L3MBTL4: variants seen among roughly 807,000 people sequenced by gnomAD.
The protein encoded by L3MBTL4 is lethal(3)malignant brain tumor-like protein 4.
Under a neutral mutation model 84.5 loss-of-function variants are expected in L3MBTL4, and 70 were observed. The ratio of observed to expected loss-of-function variants is 0.83; its 90% confidence interval spans 0.68 to 1.01. The LOEUF (loss-of-function observed/expected upper bound fraction) is 1.01, where lower values mean the gene tolerates loss of function less well. L3MBTL4 is among the 50% of genes least tolerant of loss of function. L3MBTL4 has a pLI of 0.00. For synonymous variants in L3MBTL4, 274 were observed against 259.8 expected, an observed-to-expected ratio of 1.05 and a Z score of -0.52; for missense variants, 715 against 754.8, an observed-to-expected ratio of 0.95 and a Z score of 0.62.
At chr18:6,093,610 C>G (rs2058532811) in intron 14 of L3MBTL4, 82 bp from the exon 15 acceptor site, 4 of 1,138,474 alleles carry the variant, frequency 3.5e-6, no homozygotes, top group Non-Finnish European at 4.8e-6. Context: ...CAGACTTACA[C>G]CTAATATTTA....
chr18:6,389,988 A>G (rs970891639), intron 1 of L3MBTL4, among the ~76,000 whole-genome samples: 2 of 152,162 alleles, frequency 1.3e-5, no homozygotes, highest in African/African-American at 4.8e-5. Flanking sequence ...CAAGAACTGC[A>G]GAATATATAT....
intron 12 of L3MBTL4, among the ~76,000 whole-genome samples, chr18:6,204,120 T>A (rs540724648): frequency 1.8e-5 from 2 of 111,744 alleles, no homozygotes; most frequent in African/African-American, 6.9e-5. Flanking sequence ...GAAACACCAC[T>A]CCATCCTCTG....
At chr18:6,032,178 T>A in intron 16 of L3MBTL4, 1 of 340,988 alleles carries the variant, frequency 2.9e-6, no homozygotes, top group Non-Finnish European at 4.4e-6. Flanking sequence ...GGGGTTTCAC[T>A]GCGTTGGCCA....
intron 1 of L3MBTL4, among the ~76,000 whole-genome samples, chr18:6,400,345 G>A (rs1293931791): frequency 6.6e-6 from 1 of 152,122 alleles, no homozygotes; most frequent in Non-Finnish European, 1.5e-5. Context: ...GAGTGAAATA[G>A]ACAAAAAAAG....
At chr18:6,387,966 C>G (rs1263116258) in intron 1 of L3MBTL4, among the ~76,000 whole-genome samples, 1 of 152,106 alleles carries the variant, frequency 6.6e-6, no homozygotes, top group Non-Finnish European at 1.5e-5. Context: ...GACACACTAT[C>G]TAGAGTGTGG....
intron 1 of L3MBTL4, among the ~76,000 whole-genome samples, chr18:6,411,978 A>G (rs1040980348): frequency 3.3e-5 from 5 of 152,210 alleles, no homozygotes; most frequent in African/African-American, 1.2e-4. Context: ...TAGTAGAGTA[A>G]TTTGATAAAT....
intron 10 of L3MBTL4, among the ~76,000 whole-genome samples, chr18:6,228,151 C>G (rs1459225594): frequency 6.6e-6 from 1 of 152,146 alleles, no homozygotes; most frequent in Non-Finnish European, 1.5e-5. Context: ...CATAAAGATG[C>G]CAAGGTAATT....
At chr18:6,219,818 C>T (rs528759026) in intron 10 of L3MBTL4, among the ~76,000 whole-genome samples, 1 of 152,122 alleles carries the variant, frequency 6.6e-6, no homozygotes, top group East Asian at 1.9e-4. Context: ...AGGAGAACTA[C>T]TTGGGATGTG....
intron 1 of L3MBTL4, among the ~76,000 whole-genome samples, chr18:6,346,764 A>T (rs1325771743): frequency 6.6e-6 from 1 of 152,110 alleles, no homozygotes; most frequent in South Asian, 2.1e-4. Flanking sequence ...GAAAAGCAGC[A>T]TGGCTACTCC....
chr18:6,345,337 C>T (rs1259085268), intron 1 of L3MBTL4, among the ~76,000 whole-genome samples: 4 of 151,474 alleles, frequency 2.6e-5, no homozygotes, highest in Non-Finnish European at 5.9e-5. Flanking sequence ...GCGGAGGTTG[C>T]AGTGAGCCGA....
chr18:6,185,283 C>G (rs1286985738), intron 12 of L3MBTL4, among the ~76,000 whole-genome samples: 1 of 152,204 alleles, frequency 6.6e-6, no homozygotes, highest in Admixed American at 6.5e-5. Flanking sequence ...AGTGAGGACT[C>G]AAGTGGGAAA....
chr18:6,006,728 G>A (rs541006141), intron 16 of L3MBTL4, among the ~76,000 whole-genome samples: 2 of 152,204 alleles, frequency 1.3e-5, no homozygotes, highest in African/African-American at 4.8e-5. Flanking sequence ...AACTTCAATA[G>A]TTAAATAATG....
chr18:6,283,256 G>A (rs2049404290), intron 4 of L3MBTL4, among the ~76,000 whole-genome samples: 1 of 151,956 alleles, frequency 6.6e-6, no homozygotes, highest in Non-Finnish European at 1.5e-5. Flanking sequence ...ACAAACTATT[G>A]GCAAAAATCT....
At chr18:6,156,935 C>T (rs1432619514) in intron 13 of L3MBTL4, among the ~76,000 whole-genome samples, 1 of 152,226 alleles carries the variant, frequency 6.6e-6, no homozygotes, top group Non-Finnish European at 1.5e-5. Flanking sequence ...AGCCACTAGG[C>T]ATCCAACAAC....
intron 15 of L3MBTL4, among the ~76,000 whole-genome samples, chr18:6,083,221 CAG>C (rs547057614): frequency 2.0e-5 from 3 of 152,196 alleles, no homozygotes; most frequent in African/African-American, 7.2e-5. Flanking sequence ...AAGTCACAGG[CAG>C]AGACTTGACT....
intron 12 of L3MBTL4, among the ~76,000 whole-genome samples, chr18:6,209,205 T>C (rs534095791): frequency 6.6e-6 from 1 of 152,162 alleles, no homozygotes; most frequent in Non-Finnish European, 1.5e-5. Context: ...AAAGAGTTGA[T>C]GTGAAGCCAA....
At chr18:6,398,333 T>C (rs1347156362) in intron 1 of L3MBTL4, among the ~76,000 whole-genome samples, 2 of 152,192 alleles carry the variant, frequency 1.3e-5, no homozygotes, top group Admixed American at 1.3e-4. Flanking sequence ...ATGAATGGCC[T>C]GTGGCAGGTT....
intron 16 of L3MBTL4, among the ~76,000 whole-genome samples, chr18:6,016,884 G>C (rs1480057360): frequency 6.6e-6 from 1 of 152,168 alleles, no homozygotes; most frequent in Admixed American, 6.5e-5. Context: ...GAGAAAAGAC[G>C]CTGTGGAGAG....
intron 1 of L3MBTL4, among the ~76,000 whole-genome samples, chr18:6,363,332 C>A (rs2053792646): frequency 1.3e-5 from 2 of 152,122 alleles, no homozygotes; most frequent in Non-Finnish European, 2.9e-5. Context: ...GACTCCCAGG[C>A]CCCCCGGGTG....
Sources: gnomAD v4.1 joint callset for allele counts (sites outside exome capture counted in the v4.1 genomes callset) on GRCh38, gnomAD v4.1.1 for gene constraint, MANE v1.5 for transcripts, NCBI Gene and HGNC (gene_info 2026-07-23, HGNC 2026-07-21) for gene names.